PRTG: variants seen among roughly 807,000 people sequenced by gnomAD.
PRTG encodes protogenin.
A neutral mutation model predicts 122.5 loss-of-function variants in PRTG; 67 were observed. The observed-to-expected ratio is 0.55, with a 90% CI of 0.45 to 0.67. The LOEUF (loss-of-function observed/expected upper bound fraction) is 0.67, where lower values mean the gene tolerates loss of function less well. Ranked by LOEUF, PRTG falls within the 30% of genes least tolerant of loss-of-function variation. The pLI, the probability that PRTG is intolerant of heterozygous loss-of-function variation, is 0.00. For synonymous variants in PRTG, 554 were observed against 501.1 expected (o/e 1.11, Z -1.41); for missense variants, 1,435 against 1,415.4 (o/e 1.01, Z -0.22).
At chr15:55,726,617 G>A (rs79624962) in intron 2 of PRTG, among the ~76,000 whole-genome samples, 1,932 of 139,406 alleles carry the variant, frequency 0.014, 46 homozygotes, top group African/African-American at 0.046. Flanking sequence ...GGTAACAAGT[G>A]TTAACAAGAG....
chr15:55,673,292 TATAAAC>T (rs142116445), intron 10 of PRTG, 73 bp downstream of exon 10: 93,460 of 1,008,784 alleles, frequency 0.093, 5,039 homozygotes, highest in Non-Finnish European at 0.11. Context: ...AATTTAAAAA[TATAAAC>T]ATAATTTAGA....
intron 15 of PRTG, among the ~76,000 whole-genome samples, chr15:55,632,419 A>G (rs1290938523): frequency 6.6e-6 from 1 of 151,946 alleles, no homozygotes; most frequent in Non-Finnish European, 1.5e-5. Context: ...CTTACAATCT[A>G]CTTCTCAGGT....
rs2141718279 is a variant in PRTG at position 55,628,884 on chromosome 15, A to T, written c.2744T>A (p.Leu915His). 1 of 1,614,138 alleles carries T rather than the reference A, an allele frequency of 6.2e-7. No homozygotes were observed. Among genetic ancestry groups the T allele is most frequent in the East Asian group, 2.2e-5 (1 of 44,878 alleles). The change falls in exon 16 of 20, where the codon CTT becomes CAT. Residue 915 changes from leucine to histidine, a missense_variant. Coordinates refer to ENST00000389286, the MANE Select transcript of PRTG (RefSeq NM_173814.6). ...ATTTGATTCAGAGGTTTCCTTTGGA[A>T]GTACTGCCAGCTCCACAGAATTTGA... ...PFSNSVELAV[L>H]PKETSESNQR...
intron 11 of PRTG, among the ~76,000 whole-genome samples, chr15:55,665,310 T>C (rs1304075014): frequency 1.3e-5 from 2 of 151,920 alleles, no homozygotes; most frequent in African/African-American, 4.8e-5. Flanking sequence ...CAAAATTCCT[T>C]ACCCTTACGT....
chr15:55,651,500 A>G (rs572366853), intron 11 of PRTG, among the ~76,000 whole-genome samples: 15 of 152,264 alleles, frequency 9.9e-5, no homozygotes, highest in African/African-American at 3.4e-4. Context: ...CTTCCCCCCA[A>G]TACCATGAAG....
At chr15:55,665,300 C>G (rs1294891750) in intron 11 of PRTG, among the ~76,000 whole-genome samples, 1 of 151,728 alleles carries the variant, frequency 6.6e-6, no homozygotes, top group Non-Finnish European at 1.5e-5. Flanking sequence ...AACCTAATGT[C>G]AAAATTCCTT....
intron 11 of PRTG, among the ~76,000 whole-genome samples, chr15:55,654,292 GACAGTGGCTTA>G (rs2059368781): frequency 6.6e-6 from 1 of 152,154 alleles, no homozygotes; most frequent in Non-Finnish European, 1.5e-5. Flanking sequence ...ACTTCAAAAG[GACAGTGGCTTA>G]ACTGTCCCAG....
rs7165971 is a variant in PRTG at position 55,628,815 on chromosome 15, T to C, written c.2806+7A>G. The C allele has an allele frequency of 0.33, 532,563 of 1,608,168 alleles. 103,195 individuals carry two copies. The highest frequency in any genetic ancestry group is 0.95 in the East Asian group (42,813 of 44,836). On this transcript the variant is annotated splice_region_variant and intron_variant, in intron 16 of 19. Transcript: ENST00000389286. ...AAAAATCACAGTGACTACGGCAGTA[T>C]ACAGACCTTTGGCATCAGCAGAATC... is the stretch of plus-strand genomic sequence containing the variant.
At chr15:55,715,467 G>C (rs1227396458) in intron 2 of PRTG, among the ~76,000 whole-genome samples, 1 of 152,190 alleles carries the variant, frequency 6.6e-6, no homozygotes, top group African/African-American at 2.4e-5. Context: ...GGAGCGTGAA[G>C]CCCTGAGCAG....
chr15:55,740,273 TA>T, intron 2 of PRTG, 108 bp downstream of exon 2: 1 of 1,024,644 alleles, frequency 9.8e-7, no homozygotes, highest in Non-Finnish European at 1.4e-6. Flanking sequence ...TTATCTCCAG[TA>T]AAATTCTTAA....
chr15:55,713,405 A>G (rs190684422), intron 2 of PRTG, among the ~76,000 whole-genome samples: 4 of 152,356 alleles, frequency 2.6e-5, no homozygotes, highest in African/African-American at 4.8e-5. Flanking sequence ...CTTTATTGCA[A>G]AAGATGCTTC....
chr15:55,626,925 AG>A (rs1355411382), intron 17 of PRTG, 82 bp downstream of exon 17: 14 of 1,303,000 alleles, frequency 1.1e-5, no homozygotes, highest in African/African-American at 3.0e-5. Context: ...TTACTCTAAA[AG>A]GCACTTGACT....
intron 2 of PRTG, among the ~76,000 whole-genome samples, chr15:55,701,044 G>A (rs1183340189): frequency 6.6e-6 from 1 of 152,176 alleles, no homozygotes; most frequent in Non-Finnish European, 1.5e-5. Context: ...TACTTATAGA[G>A]AAATGCAAAT....
Position 55,628,866 on chromosome 15 carries a change from T to C in PRTG, c.2762A>G (p.Glu921Gly), listed in dbSNP as rs1181936026. The C allele has an allele frequency of 1.9e-6, 3 of 1,614,002 alleles. No homozygotes were observed. The highest frequency in any genetic ancestry group is 1.7e-6 in the Non-Finnish European group (2 of 1,179,990). ...ELAVLPKETS[E>G]SNQRPKRLDS... Reference sequence around the variant, plus strand: ...TAAACGCTTGGGCCTCTGATTTGATTCAGAGGTTTCCTTTGGAAGTACTGC... The same window carrying C: ...TAAACGCTTGGGCCTCTGATTTGATCCAGAGGTTTCCTTTGGAAGTACTGC... The change falls in exon 16 of 20, where the codon GAA becomes GGA. Residue 921 changes from glutamate (E) to glycine (G), a missense_variant. Transcript: ENST00000389286.
At chr15:55,723,382 T>C (rs1456360171) in intron 2 of PRTG, among the ~76,000 whole-genome samples, 1 of 135,796 alleles carries the variant, frequency 7.4e-6, no homozygotes, top group African/African-American at 2.8e-5. Context: ...AAGGGAAGAC[T>C]ATAATGATCT....
intron 14 of PRTG, 25 bp from the exon 15 acceptor site, chr15:55,637,365 T>C: frequency 6.4e-7 from 1 of 1,550,626 alleles, no homozygotes; most frequent in Non-Finnish European, 8.7e-7. Context: ...CAAAACATTG[T>C]ATTAATATAG....
At chr15:55,696,997 T>C (rs570636437) in intron 2 of PRTG, among the ~76,000 whole-genome samples, 1 of 152,342 alleles carries the variant, frequency 6.6e-6, no homozygotes, top group East Asian at 1.9e-4. Flanking sequence ...TATATTCCTA[T>C]AGTGCATTCA....
chr15:55,697,811 A>G (rs1189554989), intron 2 of PRTG, among the ~76,000 whole-genome samples: 8 of 152,188 alleles, frequency 5.3e-5, no homozygotes, highest in Non-Finnish European at 2.9e-5. Context: ...ACTTTTCCTG[A>G]ACATGTTTTG....
Position 55,615,664 on chromosome 15 carries a change from A to G in PRTG, c.*4348T>C, listed in dbSNP as rs542510646. On this transcript the variant is annotated 3_prime_UTR_variant, in exon 20 of 20. Transcript: ENST00000389286. The stretch of plus-strand genomic sequence containing the variant: ...TCAGAGACCCATGTGGCAAATGGTC[A>G]GGAAGAAAGTCTGCAAAACACATGT... 1 of 152,250 alleles carries G rather than the reference A, an allele frequency of 6.6e-6. No individual in the cohort carries two copies. The highest frequency in any genetic ancestry group is 2.1e-4 in the South Asian group (1 of 4,826). The allele number at this position is 152,250 out of a possible 1,614,324, so 9.4% of individuals were successfully genotyped here. A position where few individuals can be genotyped will look rare whatever the true frequency, so the allele number is the denominator to read the frequency against.
Sources: gnomAD v4.1 joint callset for allele counts (sites outside exome capture counted in the v4.1 genomes callset) on GRCh38, gnomAD v4.1.1 for gene constraint, MANE v1.5 for transcripts, NCBI Gene and HGNC (gene_info 2026-07-23, HGNC 2026-07-21) for gene names.